EFNA5: variants seen among roughly 807,000 people sequenced by gnomAD.
EFNA5 encodes the protein ephrin-A5.
In EFNA5, 5 loss-of-function variants were observed where a neutral mutation model predicts 22.9. That is an observed-to-expected ratio of 0.22 (90% CI 0.11 to 0.46). The LOEUF (loss-of-function observed/expected upper bound fraction) is 0.46. Among genes scored for constraint, EFNA5 ranks in the 20% least tolerant of loss-of-function variants. The pLI is 0.99. For missense variants in EFNA5, 237 were observed against 293.3 expected (o/e 0.81, Z 1.40); for synonymous variants, 113 against 112.2 (o/e 1.01, Z -0.04).
chr5:107,515,901 G>C (rs866072790), intron 1 of EFNA5, among the ~76,000 whole-genome samples: 1 of 152,110 alleles, frequency 6.6e-6, no homozygotes, highest in Non-Finnish European at 1.5e-5. Flanking sequence ...AATGAACAGG[G>C]TTTATTTTAC....
chr5:107,464,525 G>T (rs537015717), intron 1 of EFNA5, among the ~76,000 whole-genome samples: 2 of 152,268 alleles, frequency 1.3e-5, no homozygotes, highest in East Asian at 3.9e-4. Flanking sequence ...CATCACAGAG[G>T]ATTCTGAGCC....
intron 1 of EFNA5, among the ~76,000 whole-genome samples, chr5:107,572,263 A>G (rs1346133830): frequency 6.6e-6 from 1 of 152,046 alleles, no homozygotes; most frequent in Non-Finnish European, 1.5e-5. Flanking sequence ...TCTCTGGTTT[A>G]GACCGGGGGA....
At chr5:107,562,709 C>A (rs1748577547) in intron 1 of EFNA5, among the ~76,000 whole-genome samples, 1 of 152,128 alleles carries the variant, frequency 6.6e-6, no homozygotes, top group Admixed American at 6.5e-5. Flanking sequence ...ACCTACTGTG[C>A]AGAAGACAGA....
chr5:107,448,352 G>A (rs948964835), intron 1 of EFNA5, among the ~76,000 whole-genome samples: 1 of 152,144 alleles, frequency 6.6e-6, no homozygotes, highest in East Asian at 1.9e-4. Flanking sequence ...ATTTGTAGAG[G>A]CCCTATTGAA....
chr5:107,517,626 G>C (rs1747509463), intron 1 of EFNA5, among the ~76,000 whole-genome samples: 1 of 152,102 alleles, frequency 6.6e-6, no homozygotes, highest in African/African-American at 2.4e-5. Flanking sequence ...AAAATCACTG[G>C]GAAACAACGT....
intron 1 of EFNA5, among the ~76,000 whole-genome samples, chr5:107,498,077 A>T (rs1283261563): frequency 2.0e-5 from 3 of 152,032 alleles, no homozygotes; most frequent in Non-Finnish European, 4.4e-5. Context: ...CATCATGCCC[A>T]GCTAATTTTT....
intron 1 of EFNA5, among the ~76,000 whole-genome samples, chr5:107,653,296 C>T (rs1434311251): frequency 1.3e-5 from 2 of 152,018 alleles, no homozygotes; most frequent in Admixed American, 6.6e-5. Context: ...AGCGTTTCTG[C>T]ACTTCAGTCT....
At chr5:107,585,332 C>A (rs1749161236) in intron 1 of EFNA5, among the ~76,000 whole-genome samples, 1 of 152,306 alleles carries the variant, frequency 6.6e-6, no homozygotes, top group Non-Finnish European at 1.5e-5. Context: ...TATTGCACTA[C>A]ATCAAGGGCA....
intron 1 of EFNA5, among the ~76,000 whole-genome samples, chr5:107,646,329 A>C (rs996625369): frequency 7.9e-5 from 12 of 152,188 alleles, no homozygotes; most frequent in African/African-American, 2.9e-4. Context: ...CATGGTGTAC[A>C]TGTCGTACAT....
At chr5:107,528,308 A>G (rs1326739601) in intron 1 of EFNA5, among the ~76,000 whole-genome samples, 2 of 152,220 alleles carry the variant, frequency 1.3e-5, no homozygotes, top group African/African-American at 2.4e-5. Flanking sequence ...ACTCATTATA[A>G]CAGGAGAAAT....
At chr5:107,523,105 T>C (rs1407512980) in intron 1 of EFNA5, among the ~76,000 whole-genome samples, 1 of 152,214 alleles carries the variant, frequency 6.6e-6, no homozygotes, top group Non-Finnish European at 1.5e-5. Flanking sequence ...TGTTTGTTTA[T>C]TTTAACCAAC....
intron 2 of EFNA5, among the ~76,000 whole-genome samples, chr5:107,421,958 A>G (rs944546630): frequency 1.6e-4 from 25 of 151,790 alleles, no homozygotes; most frequent in African/African-American, 6.1e-4. Flanking sequence ...CGCCCGTCTA[A>G]TTTTGCATTT....
intron 1 of EFNA5, among the ~76,000 whole-genome samples, chr5:107,455,739 G>T (rs138927827): frequency 2.8e-4 from 42 of 152,248 alleles, no homozygotes; most frequent in Non-Finnish European, 4.6e-4. Flanking sequence ...CACCCAGAAT[G>T]TCTCTTTCTT....
At chr5:107,597,748 C>T (rs950076950) in intron 1 of EFNA5, among the ~76,000 whole-genome samples, 4 of 151,998 alleles carry the variant, frequency 2.6e-5, no homozygotes, top group Admixed American at 1.3e-4. Context: ...TTCAACAGAC[C>T]GTGAACCAGA....
At position 107,387,284 on chromosome 5, in the gene EFNA5, A is replaced by G. The variant is rs779962344; in HGVS notation, c.516T>C (p.Asp172=). 2 of 1,606,224 alleles carry G rather than the reference A, an allele frequency of 1.2e-6. No individual in the cohort carries two copies. The highest frequency in any genetic ancestry group is 1.7e-6 in the Non-Finnish European group (2 of 1,174,904). ...NSCMKTIGVH[D]RVFDVNDKVE... ...CTTTGTCGTTAACATCGAAAACACG[A>G]TCATGAACACCTATAGTTTTCATAC... The change falls in exon 4 of 5, where the codon GAT becomes GAC. Residue 172 remains aspartate (D), a synonymous_variant. Transcript: ENST00000333274.
intron 1 of EFNA5, among the ~76,000 whole-genome samples, chr5:107,582,689 T>C (rs1417708561): frequency 3.3e-5 from 5 of 151,688 alleles, no homozygotes; most frequent in Non-Finnish European, 4.4e-5. Flanking sequence ...GCCCCAAAAG[T>C]AAATGATTTA....
intron 2 of EFNA5, among the ~76,000 whole-genome samples, chr5:107,391,261 T>TTG (rs1747789054): frequency 6.6e-6 from 1 of 152,194 alleles, no homozygotes; most frequent in Non-Finnish European, 1.5e-5. Context: ...TGCCCTTGTG[T>TTG]TGTGGTTCTT....
intron 1 of EFNA5, among the ~76,000 whole-genome samples, chr5:107,571,538 T>A (rs563649857): frequency 6.2e-4 from 74 of 119,314 alleles, no homozygotes; most frequent in African/African-American, 2.2e-3. Context: ...AGGGTCATCC[T>A]CTTTTTTTTT....
chr5:107,536,869 G>A (rs1205072829), intron 1 of EFNA5, among the ~76,000 whole-genome samples: 2 of 152,124 alleles, frequency 1.3e-5, no homozygotes, highest in African/African-American at 4.8e-5. Context: ...CACTTTGGGA[G>A]GCCAAGGTGG....
Sources: gnomAD v4.1 joint callset for allele counts (sites outside exome capture counted in the v4.1 genomes callset) on GRCh38, gnomAD v4.1.1 for gene constraint, MANE v1.5 for transcripts, NCBI Gene and HGNC (gene_info 2026-07-23, HGNC 2026-07-21) for gene names.